The following NCALD variants were observed in gnomAD, a reference collection of about 807,000 sequenced individuals.
The protein encoded by NCALD is neurocalcin delta, also known as neurocalcin-delta.
A neutral mutation model predicts 18.6 loss-of-function variants in NCALD; 10 were observed. The ratio of observed to expected loss-of-function variants is 0.54; its 90% CI spans 0.33 to 0.91. The LOEUF is 0.91. Ranked by LOEUF, NCALD falls within the 40% of genes least tolerant of loss-of-function variation. The probability of loss-of-function intolerance (pLI) is 0.03; values close to 1 mark genes in which losing one functional copy is unlikely to be tolerated. For missense variants in NCALD, 184 were observed against 247.6 expected (o/e 0.74, Z 1.72); for synonymous variants, 88 against 87.4 (o/e 1.01, Z -0.04).
intron 2 of NCALD, among the ~76,000 whole-genome samples, chr8:101,921,564 G>A (rs896666073): frequency 6.6e-5 from 10 of 152,122 alleles, no homozygotes; most frequent in Non-Finnish European, 1.5e-4. Flanking sequence ...ATTGAATACT[G>A]TTAAAGCAGA....
chr8:102,034,231 T>G (rs1342510623), intron 1 of NCALD, among the ~76,000 whole-genome samples: 1 of 152,208 alleles, frequency 6.6e-6, no homozygotes, highest in South Asian at 2.1e-4. Flanking sequence ...TTTAGTCTTT[T>G]AAGTTACATG....
intron 1 of NCALD, among the ~76,000 whole-genome samples, chr8:101,734,372 G>A (rs1361343118): frequency 8.5e-5 from 13 of 152,212 alleles, no homozygotes. Flanking sequence ...CTTAGGAAAA[G>A]CATTTACTAC....
At chr8:101,858,549 C>T (rs1815412676) in intron 4 of NCALD, among the ~76,000 whole-genome samples, 1 of 152,144 alleles carries the variant, frequency 6.6e-6, no homozygotes. Context: ...ACGAAAGGCA[C>T]AGCAGGGAGT....
intron 1 of NCALD, among the ~76,000 whole-genome samples, chr8:102,028,651 C>T (rs1822554147): frequency 6.6e-6 from 1 of 152,164 alleles, no homozygotes; most frequent in Non-Finnish European, 1.5e-5. Flanking sequence ...CAAAGTGGTC[C>T]CTGCCCCAAC....
intron 3 of NCALD, chr8:101,692,006 T>G: frequency 1.0e-6 from 1 of 983,228 alleles, no homozygotes; most frequent in South Asian, 4.7e-5. Flanking sequence ...ATTAAATACA[T>G]GATGCCCCGT....
intron 2 of NCALD, among the ~76,000 whole-genome samples, chr8:101,934,306 T>C (rs1295178332): frequency 6.6e-6 from 1 of 152,086 alleles, no homozygotes; most frequent in East Asian, 1.9e-4. Context: ...GAGGGAGTAA[T>C]AGCTAAATGG....
At chr8:101,945,347 C>T (rs566310704) in intron 2 of NCALD, among the ~76,000 whole-genome samples, 5 of 151,936 alleles carry the variant, frequency 3.3e-5, no homozygotes, top group East Asian at 1.9e-4. Flanking sequence ...AGGTGGGGGA[C>T]GAGGAGAGGA....
At chr8:101,780,734 T>C (rs1485366566) in intron 1 of NCALD, among the ~76,000 whole-genome samples, 5 of 152,156 alleles carry the variant, frequency 3.3e-5, no homozygotes, top group Non-Finnish European at 7.4e-5. Flanking sequence ...CACGCATATT[T>C]TACCACAACA....
At chr8:102,101,262 T>C (rs1825270578) in intron 1 of NCALD, among the ~76,000 whole-genome samples, 1 of 152,242 alleles carries the variant, frequency 6.6e-6, no homozygotes, top group African/African-American at 2.4e-5. Context: ...CAGTATTATA[T>C]GTGGATATTA....
intron 1 of NCALD, among the ~76,000 whole-genome samples, chr8:101,726,300 C>T (rs758004539): frequency 2.6e-5 from 4 of 152,046 alleles, no homozygotes; most frequent in Non-Finnish European, 5.9e-5. Context: ...ACTCTGGCTG[C>T]TGTGTTGAGA....
At chr8:102,103,287 C>T (rs143334916) in intron 1 of NCALD, among the ~76,000 whole-genome samples, 164 of 152,252 alleles carry the variant, frequency 1.1e-3, no homozygotes, top group African/African-American at 3.9e-3. Flanking sequence ...AAGTTAACAC[C>T]TAGTGAGTGT....
At chr8:101,917,442 C>T (rs1321258965) in intron 2 of NCALD, among the ~76,000 whole-genome samples, 1 of 151,878 alleles carries the variant, frequency 6.6e-6, no homozygotes, top group Non-Finnish European at 1.5e-5. Context: ...AAAACAAGAG[C>T]AAAGTAACCC....
At chr8:102,026,456 A>G (rs760066329) in intron 1 of NCALD, among the ~76,000 whole-genome samples, 3 of 152,210 alleles carry the variant, frequency 2.0e-5, no homozygotes, top group Non-Finnish European at 4.4e-5. Flanking sequence ...CTGAAATCTA[A>G]CAAGGCAGTA....
At chr8:101,936,530 C>T (rs1185176559) in intron 2 of NCALD, among the ~76,000 whole-genome samples, 1 of 152,090 alleles carries the variant, frequency 6.6e-6, no homozygotes, top group Non-Finnish European at 1.5e-5. Context: ...AAGTAGAATG[C>T]TAGCAACAGA....
intron 2 of NCALD, among the ~76,000 whole-genome samples, chr8:101,957,779 G>A (rs368537618): frequency 2.6e-5 from 4 of 152,150 alleles, no homozygotes; most frequent in South Asian, 2.1e-4. Flanking sequence ...TGTCTATGGT[G>A]TGAGACATGT....
At chr8:101,703,129 T>C (rs1815346094) in intron 2 of NCALD, among the ~76,000 whole-genome samples, 1 of 150,952 alleles carries the variant, frequency 6.6e-6, no homozygotes, top group Non-Finnish European at 1.5e-5. Flanking sequence ...TCCCTCTTCA[T>C]CTGGGCTGCG....
At chr8:101,921,567 A>G (rs1236847106) in intron 2 of NCALD, among the ~76,000 whole-genome samples, 1 of 152,180 alleles carries the variant, frequency 6.6e-6, no homozygotes, top group Non-Finnish European at 1.5e-5. Flanking sequence ...GAATACTGTT[A>G]AAGCAGAAAT....
chr8:101,788,204 G>C (rs1812307223), intron 1 of NCALD, among the ~76,000 whole-genome samples: 1 of 152,206 alleles, frequency 6.6e-6, no homozygotes, highest in Non-Finnish European at 1.5e-5. Context: ...GTTTTGTCCA[G>C]TGCAGTTCTA....
chr8:101,778,112 T>C (rs532747871), intron 1 of NCALD, among the ~76,000 whole-genome samples: 94 of 152,334 alleles, frequency 6.2e-4, no homozygotes, highest in African/African-American at 2.2e-3. Context: ...TCCCTAAAAA[T>C]AAAGCCTTCC....
Sources: gnomAD v4.1 joint callset for allele counts (sites outside exome capture counted in the v4.1 genomes callset) on GRCh38, gnomAD v4.1.1 for gene constraint, MANE v1.5 for transcripts, NCBI Gene and HGNC (gene_info 2026-07-23, HGNC 2026-07-21) for gene names.